Variants in TMEM50B observed in about 807,000 individuals in gnomAD.
The protein encoded by TMEM50B is HCV p7-trans-regulated protein 3.
TMEM50B carries 14 observed loss-of-function variants against 23.4 expected under a neutral mutation model. The ratio of observed to expected loss-of-function variants is 0.60; its 90% CI spans 0.39 to 0.93. The LOEUF (loss-of-function observed/expected upper bound fraction) is 0.93, where lower values mean the gene tolerates loss of function less well. TMEM50B is among the 40% of genes least tolerant of loss of function. The pLI, the probability that TMEM50B is intolerant of heterozygous loss-of-function variation, is 0.00. For synonymous variants in TMEM50B, 64 were observed against 62.3 expected (o/e 1.03, Z -0.13); for missense variants, 159 against 193.0 (o/e 0.82, Z 1.04).
intron 8 of TMEM50B, among the ~76,000 whole-genome samples, chr21:33,435,011 T>A (rs2083930942): frequency 6.6e-6 from 1 of 152,212 alleles, no homozygotes; most frequent in South Asian, 2.1e-4. Flanking sequence ...ATGTTTCACT[T>A]ATAATTCTGG....
chr21:33,473,229 A>G (rs2084334030), intron 1 of TMEM50B, among the ~76,000 whole-genome samples: 1 of 151,920 alleles, frequency 6.6e-6, no homozygotes, highest in African/African-American at 2.4e-5. Context: ...AGGTGGGCAG[A>G]CTGCTTTGAG....
intron 1 of TMEM50B, among the ~76,000 whole-genome samples, chr21:33,476,223 A>G (rs1224491590): frequency 6.6e-6 from 1 of 151,852 alleles, no homozygotes; most frequent in African/African-American, 2.4e-5. Flanking sequence ...CGTCTCTACT[A>G]AGAATACAAA....
In TMEM50B at chr21:33,450,664, T is replaced by C; in HGVS notation, c.*154A>G. The stretch of plus-strand genomic sequence containing the variant: ...TCTATGCAATGAAAAATAAAGAAAT[T>C]TCATAAAACTATTTCAAAACTCAGA... On this transcript the variant is annotated 3_prime_UTR_variant, in exon 7 of 7. Coordinates refer to ENST00000542230, the MANE Select transcript of TMEM50B (RefSeq NM_006134.7). The C allele has an allele frequency of 1.7e-6, 1 of 588,066 alleles. No individual in the cohort carries two copies. Among genetic ancestry groups the C allele is most frequent in the Non-Finnish European group, 3.0e-6 (1 of 334,308 alleles). The allele number at this position is 588,066 out of a possible 1,614,324, so 36.4% of individuals were successfully genotyped here.
Position 33,463,092 on chromosome 21 carries a change from G to A in TMEM50B, c.280+2250C>T, listed in dbSNP as rs182199050. On this transcript the variant is annotated intron_variant, in intron 4 of 6. Coordinates refer to ENST00000542230, the MANE Select transcript of TMEM50B (RefSeq NM_006134.7). Reference sequence around the variant, plus strand: ...GCATCACCTGAGGTCAGGAGTTTGAGAACAGCCTGGCCAACATGGTGAAAC... The same window carrying A: ...GCATCACCTGAGGTCAGGAGTTTGAAAACAGCCTGGCCAACATGGTGAAAC... Among the ~76,000 whole-genome samples, 418 of 152,304 alleles carry A rather than the reference G, an allele frequency of 2.7e-3. 2 individuals carry two copies. Among genetic ancestry groups the A allele is most frequent in the Non-Finnish European group, 4.7e-3 (317 of 68,024 alleles).
chr21:33,446,997 G>T (rs2084066131), downstream of TMEM50B: 1 of 152,032 alleles, frequency 6.6e-6, no homozygotes, highest in Non-Finnish European at 1.5e-5. Flanking sequence ...ACAAAAATTA[G>T]CCGGGTAGGA....
chr21:33,432,887 T>A (rs2083903499), intron 8 of TMEM50B: 7 of 1,396,940 alleles, frequency 5.0e-6, no homozygotes, highest in Non-Finnish European at 5.9e-6. Flanking sequence ...TGTGCACACA[T>A]CTCTTTTTTT....
At chr21:33,474,834 AAT>A (rs1477386942) in intron 1 of TMEM50B, among the ~76,000 whole-genome samples, 1 of 45,552 alleles carries the variant, frequency 2.2e-5, no homozygotes, top group African/African-American at 7.8e-5. Context: ...ATAAAATAAA[AAT>A]AAATAAAATA....
intron 6 of TMEM50B, among the ~76,000 whole-genome samples, chr21:33,454,636 C>A (rs1014797128): frequency 2.6e-5 from 4 of 151,900 alleles, no homozygotes; most frequent in African/African-American, 9.7e-5. Flanking sequence ...TTCCTTTTTT[C>A]TTCATAAAGG....
chr21:33,444,327 C>G (rs767716033), downstream of TMEM50B, among the ~76,000 whole-genome samples: 1 of 152,164 alleles, frequency 6.6e-6, no homozygotes, highest in Non-Finnish European at 1.5e-5. Context: ...GTGAGCAGAC[C>G]GCTTGAGCTC....
intron 4 of TMEM50B, among the ~76,000 whole-genome samples, chr21:33,462,646 T>G (rs1477769644): frequency 6.6e-6 from 1 of 152,120 alleles, no homozygotes; most frequent in African/African-American, 2.4e-5. Flanking sequence ...CACTCTAGCC[T>G]GGGAGACAGA....
intron 7 of TMEM50B, among the ~76,000 whole-genome samples, chr21:33,440,417 G>A (rs887623876): frequency 4.6e-5 from 7 of 151,798 alleles, no homozygotes; most frequent in Admixed American, 2.0e-4. Flanking sequence ...GTGAAACACC[G>A]TCTCTACTAA....
intron 7 of TMEM50B, among the ~76,000 whole-genome samples, chr21:33,441,231 A>G (rs957143733): frequency 1.3e-5 from 2 of 149,708 alleles, no homozygotes; most frequent in Non-Finnish European, 3.0e-5. Context: ...ATCTGTCTCA[A>G]AAAAAAAAAG....
intron 1 of TMEM50B, among the ~76,000 whole-genome samples, chr21:33,479,621 G>A (rs1418720973): frequency 6.6e-6 from 1 of 152,200 alleles, no homozygotes; most frequent in Admixed American, 6.5e-5. Context: ...CGGTCGGCCC[G>A]AAGGGACGCG....
At chr21:33,456,171 C>A (rs1475721293) in intron 5 of TMEM50B, 1 of 464,186 alleles carries the variant, frequency 2.2e-6, no homozygotes, top group Admixed American at 2.5e-5. Context: ...TATTTTCTTT[C>A]ATGAATTCAA....
intron 6 of TMEM50B, among the ~76,000 whole-genome samples, chr21:33,453,711 C>G (rs1041564248): frequency 6.6e-6 from 1 of 152,144 alleles, no homozygotes; most frequent in South Asian, 2.1e-4. Flanking sequence ...CAAAGTTTTT[C>G]AAGGCTTAGA....
chr21:33,470,424 C>CATAAAA (rs2084303063), intron 1 of TMEM50B, among the ~76,000 whole-genome samples: 1 of 65,962 alleles, frequency 1.5e-5, no homozygotes, highest in Non-Finnish European at 2.8e-5. Flanking sequence ...GACTGTGTCT[C>CATAAAA]AAAAAAAAAA....
intron 7 of TMEM50B, among the ~76,000 whole-genome samples, chr21:33,440,874 C>G (rs889039849): frequency 7.9e-5 from 12 of 151,904 alleles, no homozygotes; most frequent in African/African-American, 2.7e-4. Flanking sequence ...GAGCAAGACT[C>G]TGTCTCAAAA....
intron 6 of TMEM50B, 85 bp from the exon 7 acceptor site, chr21:33,450,948 G>GTAC: frequency 9.8e-7 from 1 of 1,023,662 alleles, no homozygotes; most frequent in East Asian, 2.4e-5. Context: ...GCTTTGACAG[G>GTAC]TACTTCACTG....
At chr21:33,459,637 C>A in intron 5 of TMEM50B, among the ~76,000 whole-genome samples, 1 of 142,014 alleles carries the variant, frequency 7.0e-6, no homozygotes, top group African/African-American at 2.7e-5. Context: ...CACTGCACTC[C>A]ATCCTGGGTG....
Sources: gnomAD v4.1 joint callset for allele counts (sites outside exome capture counted in the v4.1 genomes callset) on GRCh38, gnomAD v4.1.1 for gene constraint, MANE v1.5 for transcripts, NCBI Gene and HGNC (gene_info 2026-07-23, HGNC 2026-07-21) for gene names.